HEPHL1: variants seen among roughly 807,000 people sequenced by gnomAD.
The protein encoded by HEPHL1 is hephaestin like 1.
HEPHL1 carries 123 observed loss-of-function variants against 122.0 expected under a neutral mutation model. That is an observed-to-expected ratio of 1.01 (90% CI 0.87 to 1.17). The LOEUF (loss-of-function observed/expected upper bound fraction) is 1.17, where lower values mean the gene tolerates loss of function less well. HEPHL1 is among the 50% of genes most tolerant of loss of function. The probability of loss-of-function intolerance (pLI) is 0.00; values close to 1 mark genes in which losing one functional copy is unlikely to be tolerated. For missense variants in HEPHL1, 1,452 were observed against 1,430.5 expected (o/e 1.01, Z -0.24); for synonymous variants, 527 against 508.9 (o/e 1.04, Z -0.48).
intron 1 of HEPHL1, among the ~76,000 whole-genome samples, chr11:94,036,602 C>A (rs563527107): frequency 3.9e-4 from 60 of 152,164 alleles, no homozygotes; most frequent in African/African-American, 1.4e-3. Context: ...CTGGAATGAA[C>A]AAAACTGCAT....
At chr11:94,081,566 C>A (rs1025648577) in intron 9 of HEPHL1, among the ~76,000 whole-genome samples, 1 of 152,176 alleles carries the variant, frequency 6.6e-6, no homozygotes, top group Non-Finnish European at 1.5e-5. Context: ...ATTAGGAATA[C>A]ATGCTGTGGG....
At chr11:94,030,409 T>C (rs1389711867) in intron 1 of HEPHL1, among the ~76,000 whole-genome samples, 1 of 152,222 alleles carries the variant, frequency 6.6e-6, no homozygotes, top group Non-Finnish European at 1.5e-5. Flanking sequence ...TAAAGATTTA[T>C]TATTATTGCT....
chr11:94,088,725 A>ATTTCTCTTGCCGAGC, intron 11 of HEPHL1, 30 bp from the exon 12 acceptor site: 2 of 1,562,810 alleles, frequency 1.3e-6, no homozygotes, highest in Non-Finnish European at 1.8e-6. Flanking sequence ...ACCGAGCACC[A>ATTTCTCTTGCCGAGC]CACTCAATGC....
chr11:94,070,235 T>C (rs1946062885), intron 5 of HEPHL1, 139 bp from the exon 6 acceptor site: 1 of 697,184 alleles, frequency 1.4e-6, no homozygotes, highest in Non-Finnish European at 2.2e-6. Flanking sequence ...CATTTATCCT[T>C]TTTAAAAAAA....
intron 13 of HEPHL1, among the ~76,000 whole-genome samples, chr11:94,100,490 A>T (rs988850481): frequency 2.0e-5 from 3 of 152,212 alleles, no homozygotes; most frequent in African/African-American, 7.2e-5. Context: ...TTCCAACAGA[A>T]ATGCACACAC....
chr11:94,069,489 T>C (rs73552919), intron 5 of HEPHL1, among the ~76,000 whole-genome samples: 1,745 of 152,276 alleles, frequency 0.011, 32 homozygotes, highest in African/African-American at 0.039. Context: ...TTGGTGAATA[T>C]CTTCCCTATT....
In HEPHL1 at chr11:94,078,446, CATATATATAT is replaced by C. The variant is rs6144452; in HGVS notation, c.1716+3082_1716+3091del. On this transcript the variant is annotated intron_variant, in intron 9 of 19. Transcript: ENST00000315765. ...GACACCAGCCACTACTCAGATGTTC[CATATATATAT>C]ATATATATATATATATATATGGAGA... Among the ~76,000 whole-genome samples, 134 of 111,556 alleles carry C rather than the reference CATATATATAT, an allele frequency of 1.2e-3. 3 individuals carry two copies. The highest frequency in any genetic ancestry group is 4.6e-3 in the Middle Eastern group (1 of 218). 73.2% of individuals were successfully genotyped at this position (111,556 alleles called of 152,430 possible).
intron 2 of HEPHL1, among the ~76,000 whole-genome samples, chr11:94,051,730 G>A (rs1210479343): frequency 3.9e-5 from 6 of 152,120 alleles, no homozygotes; most frequent in African/African-American, 1.4e-4. Flanking sequence ...ATGTCCTGGA[G>A]AGTTTGCCCA....
chr11:94,069,071 A>G (rs769912102), intron 5 of HEPHL1, among the ~76,000 whole-genome samples: 25 of 152,186 alleles, frequency 1.6e-4, no homozygotes, highest in Non-Finnish European at 3.1e-4. Flanking sequence ...GAAGGTTTCT[A>G]TTCTCAAAGA....
rs761110239 is a variant in HEPHL1, at chr11:94,111,539, A to C, written c.3211A>C (p.Asn1071His). ...TTYTVLRNID[N>H]RIPYSTTSPG... ...ATGAACTTGTTTTCTTTGTGCAGAC[A>C]ACAGGATTCCTTACTCCACCACATC... Residue 1071 changes from asparagine to histidine, a missense_variant and splice_region_variant, in exon 19 of 20, where the codon AAC becomes CAC. Physicochemically the swap from Asn to His is moderately conservative, Grantham distance 68 (BLOSUM62 1). Coordinates refer to ENST00000315765, the MANE Select transcript of HEPHL1 (RefSeq NM_001098672.2). 1 of 1,598,754 alleles carries C rather than the reference A, an allele frequency of 6.3e-7. No homozygotes were observed. The highest frequency in any genetic ancestry group is 2.3e-5 in the East Asian group (1 of 44,402).
intron 17 of HEPHL1, among the ~76,000 whole-genome samples, chr11:94,106,966 G>A (rs909592802): frequency 3.9e-5 from 6 of 152,172 alleles, no homozygotes; most frequent in African/African-American, 1.2e-4. Flanking sequence ...TGTACCATAT[G>A]GGTGGTGCTC....
In HEPHL1 at chr11:94,111,414, A is replaced by G. The variant is rs554499593; in HGVS notation, c.3209-123A>G. On this transcript the variant is annotated intron_variant, in intron 18 of 19. Transcript: ENST00000315765. Reference sequence around the variant, plus strand: ...ATGGGAATGAAGTAGCACAGTAAGAATCCAGAAATGATTGGCAGATACTGA... The same window carrying G: ...ATGGGAATGAAGTAGCACAGTAAGAGTCCAGAAATGATTGGCAGATACTGA... 3.7e-6 allele frequency: 3 copies of G among 801,622 alleles called. No homozygotes were observed. The East Asian group carries it at 8.0e-5, about 21-fold the overall frequency. 49.7% of individuals were successfully genotyped at this position (801,622 alleles called of 1,614,324 possible).
intron 12 of HEPHL1, among the ~76,000 whole-genome samples, chr11:94,090,576 C>T (rs1470112302): frequency 2.6e-5 from 4 of 152,094 alleles, no homozygotes. Context: ...CTTGCCCATA[C>T]ATAGATGAAA....
At chr11:94,095,585 C>G (rs1946304378) in intron 13 of HEPHL1, among the ~76,000 whole-genome samples, 1 of 152,158 alleles carries the variant, frequency 6.6e-6, no homozygotes. Flanking sequence ...TTACCTTGGG[C>G]AATGGCAGTA....
rs1946470380 is a variant in HEPHL1 at position 94,113,739 on chromosome 11, G to A, written c.*1845G>A. 6.6e-6 allele frequency: 1 copy of A among 151,834 alleles called. No homozygotes were observed. Among genetic ancestry groups the A allele is most frequent in the African/African-American group, 2.4e-5 (1 of 41,302 alleles). The allele number at this position is 151,834 out of a possible 1,614,324, so 9.4% of individuals were successfully genotyped here. ...GCATCATTTATCATTTTAATAAAGT[G>A]TCACATAAGGTGGCTATTTGCATGG... is the stretch of plus-strand genomic sequence containing the variant. On this transcript the variant is annotated 3_prime_UTR_variant, in exon 20 of 20. Coordinates refer to ENST00000315765, the MANE Select transcript of HEPHL1 (RefSeq NM_001098672.2).
chr11:94,044,106 T>C lies in HEPHL1; in HGVS notation c.171-1567T>C, dbSNP rs916192459. ...AGTATTTATGGAGCTGGAGCTAGGA[T>C]GGGAGCTCCAAGCCAAGCAAATAGA... is the stretch of plus-strand genomic sequence containing the variant. On this transcript the variant is annotated intron_variant, in intron 1 of 19. Transcript: ENST00000315765. Among the ~76,000 whole-genome samples the C allele has an allele frequency of 1.8e-4, 28 of 151,824 alleles. 1 individual carries two copies. The highest frequency in any genetic ancestry group is 1.8e-3 in the Admixed American group (28 of 15,270).
chr11:94,093,863 C>T (rs1355024824), intron 13 of HEPHL1, among the ~76,000 whole-genome samples: 1 of 150,634 alleles, frequency 6.6e-6, no homozygotes, highest in Non-Finnish European at 1.5e-5. Context: ...AGATAATACA[C>T]AAATAGGAAT....
Position 94,113,817 on chromosome 11 carries a change from G to C in HEPHL1, c.*1923G>C, listed in dbSNP as rs1946471058. ...TGAACTAGGGGAGGTGGTTAAAGTG[G>C]AATTAATTTTTAGATATTTAGGGGC... On this transcript the variant is annotated 3_prime_UTR_variant, in exon 20 of 20. Transcript: ENST00000315765. The C allele has an allele frequency of 6.6e-6, 1 of 152,078 alleles. No homozygotes were observed. The highest frequency in any genetic ancestry group is 2.4e-5 in the African/African-American group (1 of 41,386). 9.4% of individuals were successfully genotyped at this position (152,078 alleles called of 1,614,324 possible). A position where few individuals can be genotyped will look rare whatever the true frequency, so the allele number is the denominator to read the frequency against.
chr11:94,079,530 T>A (rs1010013756), intron 9 of HEPHL1, among the ~76,000 whole-genome samples: 1 of 151,666 alleles, frequency 6.6e-6, no homozygotes, highest in African/African-American at 2.4e-5. Flanking sequence ...TGATGAGGAG[T>A]TAGGAAAGCA....
Sources: gnomAD v4.1 joint callset for allele counts (sites outside exome capture counted in the v4.1 genomes callset) on GRCh38, gnomAD v4.1.1 for gene constraint, MANE v1.5 for transcripts, NCBI Gene and HGNC (gene_info 2026-07-23, HGNC 2026-07-21) for gene names.